Variants in ABCC2 observed in about 807,000 individuals in gnomAD.
ABCC2 encodes ATP-binding cassette sub-family C member 2.
ABCC2 carries 157 observed loss-of-function variants against 173.4 expected under a neutral mutation model. That is an observed-to-expected ratio of 0.91 (90% confidence interval 0.80 to 1.03). The LOEUF is 1.03. ABCC2 is among the 50% of genes least tolerant of loss of function. The pLI is 0.00. For synonymous variants in ABCC2, 657 were observed against 693.5 expected (o/e 0.95, Z 0.83); for missense variants, 1,822 against 1,852.3 (o/e 0.98, Z 0.30).
rs4148400 is a variant in ABCC2, at chr10:99,844,373, A to C, written c.3895A>C (p.Lys1299Gln). ...RPPPDWPSKG[K>Q]IQFNNYQVRY... Reference sequence around the variant, plus strand: ...TCCGCCAGATTGGCCCAGCAAAGGCAAGATCCAGTTTAACAACTACCAAGT... The same window carrying C: ...TCCGCCAGATTGGCCCAGCAAAGGCCAGATCCAGTTTAACAACTACCAAGT... The change falls in exon 28 of 32, where the codon AAG becomes CAG. Residue 1299 changes from lysine to glutamine, a missense_variant. By Grantham distance (53) the Lys-to-Gln change is moderately conservative. Transcript: ENST00000647814. 4.3e-6 allele frequency: 7 copies of C among 1,614,090 alleles called. No homozygotes were observed. The East Asian group carries it at 1.6e-4, about 36-fold the overall frequency.
Position 99,830,392 on chromosome 10 carries a change from C to G in ABCC2, c.2706C>G (p.Thr902=). 1.9e-6 allele frequency: 3 copies of G among 1,614,214 alleles called. No homozygotes were observed. Among genetic ancestry groups the G allele is most frequent in the Non-Finnish European group, 1.7e-6 (2 of 1,180,032 alleles). Residue 902 remains threonine (T), a synonymous_variant, in exon 20 of 32, where the codon ACC becomes ACG. Transcript: ENST00000647814. ...TCCCCGAAGATGCAGCCTCCATAAC[C>G]ATGAGAAGAGAGAACAGCTTTCGTC... The part of the protein sequence containing the change: ...EEIPEDAASI[T]MRRENSFRRT...
intron 2 of ABCC2, among the ~76,000 whole-genome samples, chr10:99,791,561 G>T (rs995938488): frequency 7.9e-5 from 12 of 152,210 alleles, no homozygotes; most frequent in African/African-American, 2.9e-4. Context: ...GAATTTGGGA[G>T]CAGCTTACCC....
At chr10:99,815,369 T>C (rs1052445765) in intron 16 of ABCC2, among the ~76,000 whole-genome samples, 9 of 152,322 alleles carry the variant, frequency 5.9e-5, no homozygotes, top group Admixed American at 2.6e-4. Flanking sequence ...CTAATTTTTG[T>C]ACTTTTAGTA....
chr10:99,814,235 A>G lies in ABCC2; in HGVS notation c.2094+1091A>G, dbSNP rs1236709300. Among the ~76,000 whole-genome samples the G allele has an allele frequency of 6.7e-4, 44 of 65,400 alleles. 6 individuals are homozygous for G. Among genetic ancestry groups the G allele is most frequent in the African/African-American group, 2.6e-3 (38 of 14,846 alleles). The allele number at this position is 65,400 out of a possible 152,430, so 42.9% of individuals were successfully genotyped here. On this transcript the variant is annotated intron_variant, in intron 16 of 31. Transcript: ENST00000647814. ...CATGTGTATATATACACACATGTGTATATATGCACACACGTATGTATACAC... is the reference window on the plus strand; with the variant it reads ...CATGTGTATATATACACACATGTGTGTATATGCACACACGTATGTATACAC...
At chr10:99,797,401 G>A (rs2037936970) in intron 7 of ABCC2, 70 bp downstream of exon 7, 13 of 1,373,426 alleles carry the variant, frequency 9.5e-6, no homozygotes, top group South Asian at 5.0e-5. Flanking sequence ...GCATCATGGC[G>A]ATTCTGTCCT....
intron 16 of ABCC2, among the ~76,000 whole-genome samples, chr10:99,814,444 T>A: frequency 1.0e-5 from 1 of 96,278 alleles, no homozygotes; most frequent in Non-Finnish European, 2.0e-5. Flanking sequence ...TATACACACA[T>A]ATGTGTGTAT....
At position 99,830,332 on chromosome 10, in the gene ABCC2, C is replaced by T. The variant is rs751093497; in HGVS notation, c.2646C>T (p.Asp882=). Residue 882 remains aspartate (D), a synonymous_variant, in exon 20 of 32, where the codon GAC becomes GAT. Coordinates refer to ENST00000647814, the MANE Select transcript of ABCC2 (RefSeq NM_000392.5). ...ATVHDGSEEE[D]DDYGLISSVE... The stretch of plus-strand genomic sequence containing the variant: ...TCCATGATGGCAGTGAAGAAGAAGA[C>T]GATGACTATGGGCTGATATCCAGTG... 1.6e-5 allele frequency: 26 copies of T among 1,614,008 alleles called. No individual in the cohort carries two copies. The highest frequency in any genetic ancestry group is 2.0e-5 in the Non-Finnish European group (24 of 1,180,020).
At chr10:99,827,524 C>T (rs1305052435) in intron 19 of ABCC2, among the ~76,000 whole-genome samples, 2 of 152,046 alleles carry the variant, frequency 1.3e-5, no homozygotes, top group Non-Finnish European at 2.9e-5. Context: ...CTATCTTCTT[C>T]TGTTTGAAAT....
chr10:99,812,958 TGA>T (rs777059014), intron 15 of ABCC2, 58 bp from the exon 16 acceptor site: 17 of 1,599,886 alleles, frequency 1.1e-5, no homozygotes, highest in Non-Finnish European at 1.4e-5. Flanking sequence ...AGAAGTGACT[TGA>T]ACTACTCTTC....
At position 99,850,504 on chromosome 10, in the gene ABCC2, T is replaced by G. The variant is rs1026961833; in HGVS notation, c.4314-98T>G. 5.0e-5 allele frequency: 61 copies of G among 1,222,338 alleles called. No individual in the cohort carries two copies. The Admixed American group carries it at 9.1e-4, about 18-fold the overall frequency. 75.7% of individuals were successfully genotyped at this position (1,222,338 alleles called of 1,614,324 possible). The stretch of plus-strand genomic sequence containing the variant: ...TTCCAGGGGAATTTTGGAGGGGGGG[T>G]TTTGAAAGTCTGATCTGGAACATGA... On this transcript the variant is annotated intron_variant, in intron 30 of 31. Coordinates refer to ENST00000647814, the MANE Select transcript of ABCC2 (RefSeq NM_000392.5).
intron 20 of ABCC2, 111 bp downstream of exon 20, chr10:99,830,544 G>C (rs1168339026): frequency 6.4e-7 from 1 of 1,572,194 alleles, no homozygotes; most frequent in Non-Finnish European, 8.7e-7. Flanking sequence ...GACACTCCAA[G>C]CTCTTCCTTT....
rs1564704231 is a variant in ABCC2 at position 99,851,574 on chromosome 10, C to T, written c.4581C>T (p.Pro1527=). The T allele has an allele frequency of 6.2e-7, 1 of 1,614,174 alleles. No homozygotes were observed. The highest frequency in any genetic ancestry group is 1.3e-5 in the African/African-American group (1 of 75,052). Reference sequence around the variant, plus strand: ...AAGAACTGCTACAAATCCCTGGACCCTTTTACTTTATGGCTAAGGAAGCTG... The same window carrying T: ...AAGAACTGCTACAAATCCCTGGACCTTTTTACTTTATGGCTAAGGAAGCTG... ...SPEELLQIPG[P]FYFMAKEAGI... is the part of the protein sequence containing the mutation. Residue 1527 remains proline, a synonymous_variant, in exon 32 of 32, where the codon CCC becomes CCT. Coordinates refer to ENST00000647814, the MANE Select transcript of ABCC2 (RefSeq NM_000392.5).
At chr10:99,814,358 TAC>T (rs1453949517) in intron 16 of ABCC2, among the ~76,000 whole-genome samples, 1 of 118,178 alleles carries the variant, frequency 8.5e-6, no homozygotes, top group Non-Finnish European at 1.8e-5. Context: ...CACGTATGTA[TAC>T]ACACATGTAT....
chr10:99,825,057 C>T (rs1170976800), intron 19 of ABCC2, among the ~76,000 whole-genome samples: 3 of 142,752 alleles, frequency 2.1e-5, no homozygotes, highest in African/African-American at 2.6e-5. Flanking sequence ...TTTATTTTAG[C>T]CTCAACTGGA....
At chr10:99,815,503 C>CT (rs1017867007) in intron 16 of ABCC2, among the ~76,000 whole-genome samples, 17 of 150,896 alleles carry the variant, frequency 1.1e-4, no homozygotes, top group African/African-American at 2.9e-4. Context: ...GCTAATTATG[C>CT]TTTTTTTTTT....
At chr10:99,842,127 G>C (rs764680189) in intron 26 of ABCC2, 34 bp downstream of exon 26, 25 of 1,613,586 alleles carry the variant, frequency 1.5e-5, no homozygotes, top group Non-Finnish European at 1.9e-5. Context: ...GGTTTCGTTA[G>C]TGTGCTTATT....
intron 6 of ABCC2, 86 bp downstream of exon 6, chr10:99,794,554 T>G (rs142493446): frequency 7.3e-7 from 1 of 1,365,256 alleles, no homozygotes. Flanking sequence ...TTTTATTATT[T>G]TTTTTTTGAG....
At chr10:99,805,625 T>C (rs973186511) in intron 11 of ABCC2, among the ~76,000 whole-genome samples, 178 bp downstream of exon 11, 1 of 152,158 alleles carries the variant, frequency 6.6e-6, no homozygotes, top group East Asian at 1.9e-4. Context: ...CAATTTCTAT[T>C]TATTCACCCT....
At chr10:99,847,216 C>A in intron 30 of ABCC2, 89 bp downstream of exon 30, 2 of 1,455,878 alleles carry the variant, frequency 1.4e-6, no homozygotes, top group Non-Finnish European at 9.6e-7. Context: ...TGATGCCTGG[C>A]ATAGAATTTT....
Sources: gnomAD v4.1 joint callset for allele counts (sites outside exome capture counted in the v4.1 genomes callset) on GRCh38, gnomAD v4.1.1 for gene constraint, MANE v1.5 for transcripts, NCBI Gene and HGNC (gene_info 2026-07-23, HGNC 2026-07-21) for gene names.